The following MAPKAP1 variants were observed in gnomAD, a reference collection of about 807,000 sequenced individuals.
The protein encoded by MAPKAP1 is MAPK associated protein 1.
In MAPKAP1, 20 loss-of-function variants were observed where a neutral mutation model predicts 65.7. The observed-to-expected ratio is 0.30, with a 90% CI of 0.21 to 0.44. The LOEUF is 0.44. Ranked by LOEUF, MAPKAP1 falls within the 20% of genes least tolerant of loss-of-function variation. The pLI is 1.00. For missense variants in MAPKAP1, 423 were observed against 648.0 expected (o/e 0.65, Z 3.77); for synonymous variants, 222 against 244.3 (o/e 0.91, Z 0.85).
At chr9:125,494,778 T>A (rs1589235329) in intron 8 of MAPKAP1, among the ~76,000 whole-genome samples, 1 of 152,264 alleles carries the variant, frequency 6.6e-6, no homozygotes, top group East Asian at 1.9e-4. Flanking sequence ...TTGGACTAAC[T>A]CCTTTTTCTT....
At chr9:125,662,113 G>A (rs919666415) in intron 3 of MAPKAP1, among the ~76,000 whole-genome samples, 1 of 152,144 alleles carries the variant, frequency 6.6e-6, no homozygotes, top group African/African-American at 2.4e-5. Flanking sequence ...AGGCACTGTG[G>A]CTCACCGACT....
At chr9:125,705,899 G>A (rs1835743288) in intron 1 of MAPKAP1, among the ~76,000 whole-genome samples, 1 of 152,126 alleles carries the variant, frequency 6.6e-6, no homozygotes, top group Non-Finnish European at 1.5e-5. Context: ...ATCAGGATGG[G>A]GTAATTAAAG....
At chr9:125,607,191 C>T (rs1290265063) in intron 4 of MAPKAP1, among the ~76,000 whole-genome samples, 4 of 152,156 alleles carry the variant, frequency 2.6e-5, no homozygotes, top group East Asian at 1.9e-4. Context: ...TTATGACCTA[C>T]AAAAATTGCA....
intron 4 of MAPKAP1, among the ~76,000 whole-genome samples, chr9:125,644,757 G>C (rs1833677660): frequency 6.6e-6 from 1 of 152,168 alleles, no homozygotes; most frequent in African/African-American, 2.4e-5. Flanking sequence ...TGAAGGATCT[G>C]CCGGGGTAGC....
At chr9:125,563,193 G>A (rs1380731463) in intron 5 of MAPKAP1, among the ~76,000 whole-genome samples, 2 of 152,126 alleles carry the variant, frequency 1.3e-5, no homozygotes, top group African/African-American at 4.8e-5. Flanking sequence ...TAAAAAACTG[G>A]TGGACTTTGA....
At chr9:125,510,594 GT>G (rs1829267676) in intron 7 of MAPKAP1, among the ~76,000 whole-genome samples, 1 of 152,118 alleles carries the variant, frequency 6.6e-6, no homozygotes. Flanking sequence ...GAAAATCCGT[GT>G]GTTTTCTGCC....
chr9:125,536,790 A>G (rs1830087094), intron 7 of MAPKAP1, among the ~76,000 whole-genome samples: 1 of 152,218 alleles, frequency 6.6e-6, no homozygotes, highest in African/African-American at 2.4e-5. Context: ...TAGCCTTCAG[A>G]GGGCATTTCA....
At chr9:125,513,900 T>C (rs77150697) in intron 7 of MAPKAP1, among the ~76,000 whole-genome samples, 112 of 152,216 alleles carry the variant, frequency 7.4e-4, no homozygotes, top group Middle Eastern at 3.4e-3. Context: ...CAGACGGCAT[T>C]TAAGATTAGA....
At position 125,559,688 on chromosome 9, in the gene MAPKAP1, C is replaced by T; in HGVS notation, c.793G>A (p.Val265Ile). The T allele has an allele frequency of 1.2e-6, 2 of 1,613,912 alleles. No individual in the cohort carries two copies. Among genetic ancestry groups the T allele is most frequent in the Non-Finnish European group, 1.7e-6 (2 of 1,179,894 alleles). Residue 265 changes from valine (V) to isoleucine (I), a missense_variant, in exon 6 of 12, where the codon GTT becomes ATT. Transcript: ENST00000265960. ...HKFGFSTLAL[V>I]EKYSSPGLTS... ...AGACCAGGAGATGAGTACTTTTCAACCAGGGCCAAAGTACTGAAGCCAAAC... is the reference window on the plus strand; with the variant it reads ...AGACCAGGAGATGAGTACTTTTCAATCAGGGCCAAAGTACTGAAGCCAAAC...
chr9:125,477,227 G>A (rs1055036811), intron 9 of MAPKAP1, among the ~76,000 whole-genome samples: 5 of 152,150 alleles, frequency 3.3e-5, no homozygotes. Context: ...TGGAATTCAT[G>A]GTATCTTACG....
At chr9:125,467,769 C>T (rs563208330) in intron 10 of MAPKAP1, among the ~76,000 whole-genome samples, 1 of 152,288 alleles carries the variant, frequency 6.6e-6, no homozygotes, top group South Asian at 2.1e-4. Context: ...CTGCAGCCAT[C>T]AAGACCGAAC....
intron 3 of MAPKAP1, 77 bp from the exon 4 acceptor site, chr9:125,657,876 T>C: frequency 7.0e-7 from 1 of 1,418,722 alleles, no homozygotes; most frequent in South Asian, 1.2e-5. Flanking sequence ...AAAGTCTTCC[T>C]TAGAACCTTA....
chr9:125,578,227 A>G (rs1831508155), intron 5 of MAPKAP1, among the ~76,000 whole-genome samples: 1 of 152,160 alleles, frequency 6.6e-6, no homozygotes, highest in African/African-American at 2.4e-5. Context: ...AGATGCTTGA[A>G]GGCAGCATGC....
At chr9:125,667,980 T>C (rs901884847) in intron 3 of MAPKAP1, among the ~76,000 whole-genome samples, 2 of 150,888 alleles carry the variant, frequency 1.3e-5, no homozygotes, top group African/African-American at 4.9e-5. Flanking sequence ...ATTTTGAAAG[T>C]ATTCAGAGTA....
At chr9:125,649,553 T>C (rs545065882) in intron 4 of MAPKAP1, among the ~76,000 whole-genome samples, 70 of 152,208 alleles carry the variant, frequency 4.6e-4, no homozygotes, top group African/African-American at 1.6e-3. Flanking sequence ...GGAAGGTGAC[T>C]AACGTCTGAA....
At chr9:125,647,065 C>T (rs1216501859) in intron 4 of MAPKAP1, among the ~76,000 whole-genome samples, 1 of 152,186 alleles carries the variant, frequency 6.6e-6, no homozygotes, top group East Asian at 1.9e-4. Flanking sequence ...CTTTATCTGA[C>T]ACTAATACTT....
Position 125,559,475 on chromosome 9 carries a change from G to A in MAPKAP1, c.848+158C>T, listed in dbSNP as rs187325015. The A allele has an allele frequency of 1.1e-5, 7 of 626,020 alleles. No homozygotes were observed. In the Admixed American group the frequency reaches 1.5e-4, roughly 14 times the overall value. The allele number at this position is 626,020 out of a possible 1,614,324, so 38.8% of individuals were successfully genotyped here. ...GGTGCAGAGGCATGAAATACAATGC[G>A]AATGTCGTCCTCAGCATCTCTCTGG... is the stretch of plus-strand genomic sequence containing the variant. On this transcript the variant is annotated intron_variant, in intron 6 of 11. Transcript: ENST00000265960.
rs1401874085 is a variant in MAPKAP1, at chr9:125,438,512, TAC to T, written c.*373_*374del. 2.4e-6 allele frequency: 1 copy of T among 411,710 alleles called. No homozygotes were observed. The highest frequency in any genetic ancestry group is 4.3e-5 in the Admixed American group (1 of 23,480). The allele number at this position is 411,710 out of a possible 1,614,324, so 25.5% of individuals were successfully genotyped here. Reference sequence around the variant, plus strand: ...TTTATTAAAAGGAAAAACAGAAATGTACATTTTTGTTGTTTGCTTTAAGAAAT... The same window carrying T: ...TTTATTAAAAGGAAAAACAGAAATGTATTTTTGTTGTTTGCTTTAAGAAAT... On this transcript the variant is annotated 3_prime_UTR_variant, in exon 12 of 12. Coordinates refer to ENST00000265960, the MANE Select transcript of MAPKAP1 (RefSeq NM_001006617.3).
intron 10 of MAPKAP1, among the ~76,000 whole-genome samples, chr9:125,449,593 T>C (rs916995573): frequency 2.0e-5 from 3 of 152,194 alleles, no homozygotes; most frequent in Non-Finnish European, 2.9e-5. Context: ...TTTACACTTA[T>C]GTAAGTTTTT....
Sources: allele counts gnomAD v4.1 joint callset (sites outside exome capture counted in the v4.1 genomes callset), GRCh38; gene constraint gnomAD v4.1.1; transcripts MANE v1.5; gene names NCBI Gene and HGNC (gene_info 2026-07-23, HGNC 2026-07-21).